Variants in SYNE1 observed in about 807,000 individuals in gnomAD.
SYNE1 encodes spectrin repeat containing nuclear envelope protein 1.
In SYNE1, 616 loss-of-function variants were observed where a neutral mutation model predicts 1,111.0. The ratio of observed to expected loss-of-function variants is 0.55; its 90% CI spans 0.52 to 0.59. SYNE1 has a LOEUF of 0.59. Ranked by LOEUF, SYNE1 falls within the 20% of genes least tolerant of loss-of-function variation. The pLI is 0.00. For missense variants in SYNE1, 10,006 were observed against 10,417.0 expected (o/e 0.96, Z 1.72); for synonymous variants, 3,855 against 3,825.8 (o/e 1.01, Z -0.28).
At chr6:152,392,603 G>C (rs1016867777) in intron 51 of SYNE1, among the ~76,000 whole-genome samples, 1 of 152,018 alleles carries the variant, frequency 6.6e-6, no homozygotes, top group African/African-American at 2.4e-5. Context: ...TATCCTATGG[G>C]CCACCCTGAG....
chr6:152,225,280 A>AACAC (rs57426642), intron 116 of SYNE1, among the ~76,000 whole-genome samples: 11 of 147,000 alleles, frequency 7.5e-5, no homozygotes, highest in African/African-American at 1.3e-4. Context: ...CATATGCGCA[A>AACAC]ACACACACAC....
intron 27 of SYNE1, among the ~76,000 whole-genome samples, chr6:152,449,970 A>G (rs1043095988): frequency 2.6e-5 from 4 of 152,244 alleles, no homozygotes; most frequent in African/African-American, 9.6e-5. Flanking sequence ...ACGAACCTAT[A>G]GAGGAAGAAG....
At chr6:152,489,514 A>G (rs963010994) in intron 11 of SYNE1, among the ~76,000 whole-genome samples, 3 of 147,680 alleles carry the variant, frequency 2.0e-5, no homozygotes, top group African/African-American at 7.5e-5. Context: ...GATGTACTAA[A>G]GGGTGTGTTA....
chr6:152,572,569 G>A (rs1448108569), intron 3 of SYNE1, among the ~76,000 whole-genome samples: 5 of 152,166 alleles, frequency 3.3e-5, no homozygotes, highest in Middle Eastern at 3.4e-3. Flanking sequence ...TCTATGACCC[G>A]CCCAACGTCA....
At position 152,331,176 on chromosome 6, in the gene SYNE1, G is replaced by C. The variant is rs1384503601; in HGVS notation, c.13509C>G (p.Leu4503=). Residue 4503 remains leucine, a synonymous_variant, in exon 78 of 146, where the codon CTC becomes CTG. Transcript: ENST00000367255. The stretch of plus-strand genomic sequence containing the variant: ...CAGTGACTTCATTTTGGTAAGTCTT[G>C]AGGCTGGCTTGTGCACTCTTACATG... ...VKTCKSAQAS[L]KTYQNEVTGL... 6.2e-7 allele frequency: 1 copy of C among 1,613,926 alleles called. No individual in the cohort carries two copies. The highest frequency in any genetic ancestry group is 8.5e-7 in the Non-Finnish European group (1 of 1,180,052).
intron 130 of SYNE1, among the ~76,000 whole-genome samples, chr6:152,167,560 C>T (rs1310454365): frequency 6.6e-6 from 1 of 152,136 alleles, no homozygotes; most frequent in African/African-American, 2.4e-5. Flanking sequence ...TTAATTTGTA[C>T]ACTTTGCACA....
chr6:152,328,818 A>C (rs1311467835), intron 78 of SYNE1, among the ~76,000 whole-genome samples: 1 of 152,174 alleles, frequency 6.6e-6, no homozygotes, highest in Non-Finnish European at 1.5e-5. Flanking sequence ...GTTATCCCCA[A>C]GTCAAGTAAT....
At chr6:152,355,065 T>C in intron 66 of SYNE1, 89 bp from the exon 67 acceptor site, 1 of 1,415,132 alleles carries the variant, frequency 7.1e-7, no homozygotes, top group South Asian at 1.2e-5. Flanking sequence ...CTGTGCCCAC[T>C]TGAACTTCTC....
intron 84 of SYNE1, among the ~76,000 whole-genome samples, chr6:152,320,729 T>C (rs903572983): frequency 2.6e-5 from 4 of 152,238 alleles, no homozygotes; most frequent in African/African-American, 9.6e-5. Context: ...CTTGGGTGTT[T>C]AGAAGCTAGG....
rs531790160 is a variant in SYNE1 at position 152,454,047 on chromosome 6, G to A, written c.2893-327C>T. Among the ~76,000 whole-genome samples the A allele has an allele frequency of 3.3e-5, 5 of 152,260 alleles. No homozygotes were observed. The South Asian group carries it at 1.0e-3, about 32-fold the overall frequency. ...CTTGATTCTGTAGCGATAGAGCTTC[G>A]GTTCCCCTTTGGTGAAGTCAGAAGA... On this transcript the variant is annotated intron_variant, in intron 24 of 145. Transcript: ENST00000367255.
chr6:152,543,630 T>C (rs1429836942), intron 3 of SYNE1, among the ~76,000 whole-genome samples: 1 of 152,240 alleles, frequency 6.6e-6, no homozygotes, highest in African/African-American at 2.4e-5. Flanking sequence ...TTAAGTACAG[T>C]CATGCACTGC....
intron 7 of SYNE1, among the ~76,000 whole-genome samples, chr6:152,510,660 T>C (rs2099080477): frequency 6.6e-6 from 1 of 152,182 alleles, no homozygotes; most frequent in East Asian, 1.9e-4. Flanking sequence ...GCAAGTTCAT[T>C]CCTCCCCTTC....
At chr6:152,213,858 A>C in intron 122 of SYNE1, 99 bp from the exon 123 acceptor site, 1 of 1,530,530 alleles carries the variant, frequency 6.5e-7, no homozygotes, top group East Asian at 2.3e-5. Context: ...GCTCAATTCT[A>C]ATTGAACCAC....
Position 152,571,951 on chromosome 6 carries a change from T to C in SYNE1, c.68-31930A>G, listed in dbSNP as rs1289156824. Reference sequence around the variant, plus strand: ...TCATCACAGTTTTTAAAAATTTCCTTGCCAGGAAATTATCATATTTGTAAT... The same window carrying C: ...TCATCACAGTTTTTAAAAATTTCCTCGCCAGGAAATTATCATATTTGTAAT... On this transcript the variant is annotated intron_variant, in intron 3 of 145. Coordinates refer to ENST00000367255, the MANE Select transcript of SYNE1 (RefSeq NM_182961.4). Among the ~76,000 whole-genome samples, 5 of 152,306 alleles carry C rather than the reference T, an allele frequency of 3.3e-5. No individual in the cohort carries two copies. The East Asian group carries it at 9.7e-4, about 29-fold the overall frequency.
intron 18 of SYNE1, 42 bp downstream of exon 18, chr6:152,465,216 C>T: frequency 1.2e-6 from 2 of 1,603,306 alleles, no homozygotes; most frequent in Non-Finnish European, 8.5e-7. Context: ...CTCATTTTTA[C>T]ATACATCAAA....
intron 49 of SYNE1, among the ~76,000 whole-genome samples, chr6:152,397,389 A>G (rs113733715): frequency 5.2e-4 from 79 of 152,232 alleles, no homozygotes; most frequent in African/African-American, 1.8e-3. Context: ...CCTGGTCTGC[A>G]TCTCTTTCTT....
At position 152,362,291 on chromosome 6, in the gene SYNE1, C is replaced by T. The variant is rs1221490895; in HGVS notation, c.10178G>A (p.Ser3393Asn). Reference sequence around the variant, plus strand: ...GAACTGTCGAACGCCATCCTGATAACTTGTCCACTTGGAGAGAGCTCCTTC... The same window carrying T: ...GAACTGTCGAACGCCATCCTGATAATTTGTCCACTTGGAGAGAGCTCCTTC... The part of the protein sequence containing the change: ...QLEGALSKWT[S>N]YQDGVRQFSG... Residue 3393 changes from serine (S) to asparagine (N), a missense_variant, in exon 64 of 146, where the codon AGT becomes AAT. This residue lies in a region of SYNE1 where 4,955 missense variants were observed against 5,017.2 expected (regional missense o/e 0.99). Transcript: ENST00000367255. 3.1e-6 allele frequency: 5 copies of T among 1,614,234 alleles called. No individual in the cohort carries two copies. Among genetic ancestry groups the T allele is most frequent in the Middle Eastern group, 1.6e-4 (1 of 6,062 alleles).
chr6:152,329,611 G>A, intron 78 of SYNE1, 119 bp downstream of exon 78: 1 of 1,272,230 alleles, frequency 7.9e-7, no homozygotes, highest in Non-Finnish European at 1.1e-6. Flanking sequence ...AGATGCTTCT[G>A]TGTAGTATTT....
At chr6:152,150,213 G>A (rs1434864281) in intron 135 of SYNE1, among the ~76,000 whole-genome samples, 2 of 152,096 alleles carry the variant, frequency 1.3e-5, no homozygotes, top group Non-Finnish European at 2.9e-5. Context: ...AATTCCAGGA[G>A]GATTATTTAG....
Sources: gnomAD v4.1 joint callset for allele counts (sites outside exome capture counted in the v4.1 genomes callset) on GRCh38, gnomAD v4.1.1 for gene constraint, gnomAD v4.1.1 regional missense constraint, MANE v1.5 for transcripts, NCBI Gene and HGNC (gene_info 2026-07-23, HGNC 2026-07-21) for gene names.